The following CHN1 variants were observed in gnomAD, a reference collection of about 807,000 sequenced individuals.
CHN1 encodes the protein chimerin 1.
A neutral mutation model predicts 59.5 loss-of-function variants in CHN1; 37 were observed. The observed-to-expected ratio is 0.62, with a 90% CI of 0.48 to 0.82. The LOEUF (loss-of-function observed/expected upper bound fraction) is 0.82. CHN1 is among the 40% of genes least tolerant of loss of function. The pLI, the probability that CHN1 is intolerant of heterozygous loss-of-function variation, is 0.00. For missense variants in CHN1, 469 were observed against 571.0 expected, an observed-to-expected ratio of 0.82 and a Z score of 1.82; for synonymous variants, 206 against 200.4, an observed-to-expected ratio of 1.03 and a Z score of -0.24.
chr2:174,877,383 C>A (rs541028665), intron 6 of CHN1, among the ~76,000 whole-genome samples: 110 of 152,094 alleles, frequency 7.2e-4, no homozygotes, highest in Non-Finnish European at 1.4e-3. Context: ...TGTATACATA[C>A]ACACACACAT....
At position 174,827,171 on chromosome 2, in the gene CHN1, A is replaced by G. The variant is rs1261547312; in HGVS notation, c.628-2653T>C. Among the ~76,000 whole-genome samples the G allele has an allele frequency of 2.0e-5, 3 of 152,286 alleles. No individual in the cohort carries two copies. The East Asian group carries it at 5.8e-4, about 29-fold the overall frequency. The stretch of plus-strand genomic sequence containing the variant: ...CTCTATGACTCTATGACACTTTATT[A>G]TATTTGTAAAAGGTTGATTACTGTA... On this transcript the variant is annotated intron_variant, in intron 7 of 12. Coordinates refer to ENST00000409900, the MANE Select transcript of CHN1 (RefSeq NM_001822.7).
chr2:174,997,986 C>T (rs60171015), intron 1 of CHN1, among the ~76,000 whole-genome samples: 42,850 of 136,486 alleles, frequency 0.31, 7,407 homozygotes, highest in Admixed American at 0.47. Flanking sequence ...GACTCTGTCT[C>T]GGGGGCGCAA....
At chr2:174,820,000 T>A (rs916296353) in intron 8 of CHN1, among the ~76,000 whole-genome samples, 41 of 152,162 alleles carry the variant, frequency 2.7e-4, no homozygotes, top group Admixed American at 2.0e-4. Context: ...GAACTCATTA[T>A]TTTTTATGGC....
At chr2:174,959,200 A>G (rs1339775589) in intron 1 of CHN1, among the ~76,000 whole-genome samples, 1 of 152,254 alleles carries the variant, frequency 6.6e-6, no homozygotes, top group Non-Finnish European at 1.5e-5. Context: ...AATTAGCTAT[A>G]TATACCATAA....
chr2:174,938,474 T>A (rs1294111980), intron 3 of CHN1, among the ~76,000 whole-genome samples: 1 of 152,192 alleles, frequency 6.6e-6, no homozygotes, highest in Non-Finnish European at 1.5e-5. Flanking sequence ...ATCATTATAA[T>A]AATATTATGT....
chr2:175,001,828 C>T (rs181257200), intron 1 of CHN1, among the ~76,000 whole-genome samples: 28 of 152,242 alleles, frequency 1.8e-4, no homozygotes, highest in Admixed American at 1.3e-4. Context: ...CCAACTAAGG[C>T]TCTATTGGTG....
intron 5 of CHN1, among the ~76,000 whole-genome samples, chr2:174,897,238 T>C (rs1258289884): frequency 4.6e-5 from 7 of 152,212 alleles, no homozygotes; most frequent in Non-Finnish European, 1.0e-4. Context: ...AATATCTTAT[T>C]GTGTACACTT....
At chr2:174,958,510 C>T (rs1408570471) in intron 1 of CHN1, among the ~76,000 whole-genome samples, 1 of 152,076 alleles carries the variant, frequency 6.6e-6, no homozygotes, top group Non-Finnish European at 1.5e-5. Context: ...GCCGTGAGGG[C>T]CTCCCGGAGA....
chr2:174,824,521 G>GAAA lies in CHN1; in HGVS notation c.628-6_628-4dup, dbSNP rs375494218. On this transcript the variant is annotated splice_region_variant and splice_polypyrimidine_tract_variant and intron_variant, in intron 7 of 12. Transcript: ENST00000409900. ...TGTGGCCCTCTGAATGTATGCACCT[G>GAAA]AAAAAAAAAAAGAGGGGCAAAGTCA... The GAAA allele has an allele frequency of 1.4e-5, 18 of 1,251,314 alleles. No individual in the cohort carries two copies. Among genetic ancestry groups the GAAA allele is most frequent in the South Asian group, 6.0e-5 (4 of 66,746 alleles). The allele number at this position is 1,251,314 out of a possible 1,614,324, so 77.5% of individuals were successfully genotyped here. A position where few individuals can be genotyped will look rare whatever the true frequency, so the allele number is the denominator to read the frequency against.
chr2:174,944,678 T>C (rs1473178819), intron 3 of CHN1, among the ~76,000 whole-genome samples: 1 of 152,234 alleles, frequency 6.6e-6, no homozygotes, highest in African/African-American at 2.4e-5. Flanking sequence ...TATGGTCATA[T>C]TCTATACTGT....
chr2:174,814,250 C>T (rs1336394097), intron 8 of CHN1, among the ~76,000 whole-genome samples: 2 of 152,150 alleles, frequency 1.3e-5, no homozygotes, highest in African/African-American at 2.4e-5. Flanking sequence ...TAAGGAATGT[C>T]AGCTTGTGAA....
intron 2 of CHN1, among the ~76,000 whole-genome samples, chr2:174,949,163 G>T (rs1689941800): frequency 6.6e-6 from 1 of 151,152 alleles, no homozygotes; most frequent in Non-Finnish European, 1.5e-5. Context: ...TCTTACTGAA[G>T]ATTATTTAGA....
intron 6 of CHN1, among the ~76,000 whole-genome samples, chr2:174,852,036 G>C (rs1351096423): frequency 6.6e-6 from 1 of 152,054 alleles, no homozygotes; most frequent in African/African-American, 2.4e-5. Context: ...CAGCACTTTG[G>C]AAGGCTGAGG....
In CHN1 at chr2:174,915,112, C is replaced by G; in HGVS notation, c.206G>C (p.Ser69Thr). ...CCGCTGGCTCTCCCGGATGAGGTAGCTCCCCTCAGCCACAATCAAGAGCTG... is the reference window on the plus strand; with the variant it reads ...CCGCTGGCTCTCCCGGATGAGGTAGGTCCCCTCAGCCACAATCAAGAGCTG... ...ADQLLIVAEG[S>T]YLIRESQRQP... Residue 69 changes from serine to threonine, a missense_variant, in exon 5 of 13, where the codon AGC (serine) becomes ACC (threonine). This residue lies in a region of CHN1 where 152 missense variants were observed against 166.1 expected (regional missense o/e 0.92). Transcript: ENST00000409900. 1 of 1,612,446 alleles carries G rather than the reference C, an allele frequency of 6.2e-7. No individual in the cohort carries two copies. The highest frequency in any genetic ancestry group is 8.5e-7 in the Non-Finnish European group (1 of 1,179,288).
intron 7 of CHN1, among the ~76,000 whole-genome samples, chr2:174,829,868 C>T (rs536466163): frequency 6.0e-4 from 92 of 152,250 alleles, no homozygotes; most frequent in Non-Finnish European, 1.0e-3. Context: ...AAAGTTTTTT[C>T]TTCCCTCATT....
intron 5 of CHN1, 117 bp from the exon 6 acceptor site, chr2:174,878,245 TTAAA>T (rs1173834786): frequency 1.1e-6 from 1 of 906,178 alleles, no homozygotes; most frequent in African/African-American, 1.7e-5. Flanking sequence ...TCTTCTTTGT[TTAAA>T]TAAGCTGTGG....
At chr2:174,918,384 C>T (rs759527608) in intron 4 of CHN1, 150 bp downstream of exon 4, 1 of 502,862 alleles carries the variant, frequency 2.0e-6, no homozygotes, top group Non-Finnish European at 3.4e-6. Context: ...ATATTGTTCA[C>T]CAATTAGATC....
chr2:174,847,521 C>A (rs925668800), intron 6 of CHN1: 1 of 1,222,334 alleles, frequency 8.2e-7, no homozygotes, highest in African/African-American at 1.6e-5. Flanking sequence ...ATATTAATGT[C>A]CATTCTGAAT....
At chr2:174,868,643 GA>G (rs1687303841) in intron 6 of CHN1, among the ~76,000 whole-genome samples, 1 of 152,194 alleles carries the variant, frequency 6.6e-6, no homozygotes, top group Non-Finnish European at 1.5e-5. Context: ...GGCAACAGGA[GA>G]AAAGTTATAA....
Sources: gnomAD v4.1 joint callset for allele counts (sites outside exome capture counted in the v4.1 genomes callset) on GRCh38, gnomAD v4.1.1 for gene constraint, gnomAD v4.1.1 regional missense constraint, MANE v1.5 for transcripts, NCBI Gene and HGNC (gene_info 2026-07-23, HGNC 2026-07-21) for gene names.